Variants in CPLANE1 observed in about 807,000 individuals in gnomAD.
The protein encoded by CPLANE1 is ciliogenesis and planar polarity effector 1.
Under a neutral mutation model 362.5 loss-of-function variants are expected in CPLANE1, and 263 were observed. The ratio of observed to expected loss-of-function variants is 0.73; its 90% CI spans 0.66 to 0.80. The LOEUF (loss-of-function observed/expected upper bound fraction) is 0.80, where lower values mean the gene tolerates loss of function less well. CPLANE1 is among the 30% of genes least tolerant of loss of function. CPLANE1 has a pLI of 0.00. For synonymous variants in CPLANE1, 1,212 were observed against 1,302.6 expected (o/e 0.93, Z 1.50); for missense variants, 3,461 against 3,793.4 (o/e 0.91, Z 2.30).
chr5:37,142,744 CA>C (rs901532446), intron 43 of CPLANE1: 79 of 224,368 alleles, frequency 3.5e-4, no homozygotes, highest in East Asian at 7.9e-4. Flanking sequence ...TGCTAAATTA[CA>C]AAAAAAAATT....
intron 14 of CPLANE1, among the ~76,000 whole-genome samples, chr5:37,222,094 A>G (rs1228412222): frequency 6.6e-6 from 1 of 152,064 alleles, no homozygotes; most frequent in Non-Finnish European, 1.5e-5. Flanking sequence ...ACGTATCTGA[A>G]GAATGAAACT....
At position 37,226,680 on chromosome 5, in the gene CPLANE1, G is replaced by T. The variant is rs1580893908; in HGVS notation, c.1915C>A (p.Leu639Ile). 1.3e-6 allele frequency: 2 copies of T among 1,550,974 alleles called. No homozygotes were observed. The highest frequency in any genetic ancestry group is 1.7e-6 in the Non-Finnish European group (2 of 1,146,730). The change falls in exon 12 of 53, where the codon CTT becomes ATT. Residue 639 changes from leucine to isoleucine, a missense_variant. Physicochemically the swap from Leu to Ile is conservative, Grantham distance 5. Around this residue, in one of 2 missense-constraint regions of CPLANE1, gnomAD observed 3,380 missense variants for 3,666.1 expected, o/e 0.92. Transcript: ENST00000651892. ...TGGATTGATAAACACTGATGAAAAAGTTGAAAGATACAAAGTATCCATGCA... is the reference window on the plus strand; with the variant it reads ...TGGATTGATAAACACTGATGAAAAATTTGAAAGATACAAAGTATCCATGCA... ...HNAWILCIFQ[L>I]FHQCLSIHYW...
chr5:37,186,922 G>T (rs530680058), intron 23 of CPLANE1, among the ~76,000 whole-genome samples: 3 of 151,964 alleles, frequency 2.0e-5, no homozygotes, highest in African/African-American at 7.3e-5. Flanking sequence ...TTAGCCGGGC[G>T]TGTTGGCGGG....
At chr5:37,224,879 G>T in intron 12 of CPLANE1, 139 bp from the exon 13 acceptor site, 1 of 450,796 alleles carries the variant, frequency 2.2e-6, no homozygotes. Flanking sequence ...TTTAAATATA[G>T]TGCAAAATAA....
chr5:37,178,579 C>T (rs1390078721), intron 29 of CPLANE1, among the ~76,000 whole-genome samples: 1 of 150,154 alleles, frequency 6.7e-6, no homozygotes, highest in African/African-American at 2.4e-5. Context: ...TGCCACTGCA[C>T]TCCAGCTTGG....
chr5:37,183,787 A>T (rs1783270202), intron 25 of CPLANE1, 88 bp from the exon 26 acceptor site: 1 of 897,178 alleles, frequency 1.1e-6, no homozygotes. Flanking sequence ...ATTCTCTCCA[A>T]TGATTAAGTC....
intron 44 of CPLANE1, chr5:37,141,759 A>G: frequency 1.0e-6 from 1 of 980,370 alleles, no homozygotes; most frequent in Non-Finnish European, 1.2e-6. Context: ...AAGTATATTC[A>G]TTAGGACTAA....
At chr5:37,151,201 C>T (rs571140527) in intron 42 of CPLANE1, among the ~76,000 whole-genome samples, 1 of 152,294 alleles carries the variant, frequency 6.6e-6, no homozygotes, top group African/African-American at 2.4e-5. Flanking sequence ...TACAGCTCCC[C>T]AAACACTCTA....
chr5:37,114,558 A>G (rs1255506127), intron 51 of CPLANE1, among the ~76,000 whole-genome samples: 1 of 152,182 alleles, frequency 6.6e-6, no homozygotes, highest in Non-Finnish European at 1.5e-5. Flanking sequence ...CACACCCTTC[A>G]TTCTGAAGTC....
intron 46 of CPLANE1, among the ~76,000 whole-genome samples, chr5:37,134,226 C>G (rs1766863141): frequency 6.6e-6 from 1 of 152,086 alleles, no homozygotes; most frequent in Non-Finnish European, 1.5e-5. Flanking sequence ...ACCAGTTCTT[C>G]TTTTATGTCT....
Position 37,227,804 on chromosome 5 carries a change from T to G in CPLANE1, c.1135A>C (p.Thr379Pro). ...PLITYRPQQF[T>P]FQDSNNSVDS... ...ACAGAATTATTTGAATCTTGAAACG[T>G]AAACTGCTGTGGTCTAGTAAACAAA... The change falls in exon 10 of 53, where the codon ACG (threonine) becomes CCG (proline). Residue 379 changes from threonine to proline, a missense_variant. Physicochemically the swap from Thr to Pro is conservative, Grantham distance 38. Transcript: ENST00000651892. 1 of 1,550,708 alleles carries G rather than the reference T, an allele frequency of 6.4e-7. No individual in the cohort carries two copies. Among genetic ancestry groups the G allele is most frequent in the Non-Finnish European group, 8.7e-7 (1 of 1,146,576 alleles).
chr5:37,211,656 A>G (rs531873607), intron 16 of CPLANE1: 34 of 802,758 alleles, frequency 4.2e-5, no homozygotes, highest in Non-Finnish European at 7.0e-5. Context: ...TGCTTCCCCC[A>G]GTCCTTATCC....
At chr5:37,221,205 C>T in intron 15 of CPLANE1, 119 bp downstream of exon 15, 3 of 583,538 alleles carry the variant, frequency 5.1e-6, no homozygotes, top group Non-Finnish European at 8.9e-6. Context: ...GTAGTCCTAG[C>T]CACTTGAGGC....
chr5:37,237,933 C>T (rs1356526445), intron 8 of CPLANE1, among the ~76,000 whole-genome samples: 1 of 152,094 alleles, frequency 6.6e-6, no homozygotes, highest in Non-Finnish European at 1.5e-5. Flanking sequence ...AATCCCAGCA[C>T]TTTAGGAGGC....
In CPLANE1 at chr5:37,106,562, C is replaced by T. The variant is rs1757672612; in HGVS notation, c.*1040G>A. 1 of 433,410 alleles carries T rather than the reference C, an allele frequency of 2.3e-6. No homozygotes were observed. The allele number at this position is 433,410 out of a possible 1,614,324, so 26.8% of individuals were successfully genotyped here. ...GACAAAACAATTAAATGACAATTAA[C>T]AATAATGTTAGCCTATAAAGCTATT... On this transcript the variant is annotated 3_prime_UTR_variant, in exon 53 of 53. Transcript: ENST00000651892.
At chr5:37,084,427 T>C in the CPLANE1 span, among the ~76,000 whole-genome samples, 1 of 152,234 alleles carries the variant, frequency 6.6e-6, no homozygotes, top group Middle Eastern at 3.4e-3. Context: ...ATGAATGGAA[T>C]GGTATCTCAC....
intron 46 of CPLANE1, among the ~76,000 whole-genome samples, chr5:37,133,527 T>C (rs578204098): frequency 7.9e-5 from 12 of 152,206 alleles, no homozygotes; most frequent in African/African-American, 1.4e-4. Flanking sequence ...TGTGTATGTG[T>C]GTGTGTCTGT....
At chr5:37,232,855 A>G (rs1395782401) in intron 8 of CPLANE1, among the ~76,000 whole-genome samples, 1 of 149,008 alleles carries the variant, frequency 6.7e-6, no homozygotes, top group Non-Finnish European at 1.5e-5. Flanking sequence ...AAAAAAAAAA[A>G]AAAAAAAGAA....
intron 43 of CPLANE1, among the ~76,000 whole-genome samples, chr5:37,145,907 C>T (rs563598049): frequency 6.6e-6 from 1 of 152,062 alleles, no homozygotes; most frequent in Non-Finnish European, 1.5e-5. Context: ...ATGCTGGACA[C>T]AAATACAACA....
Sources: allele counts gnomAD v4.1 joint callset (sites outside exome capture counted in the v4.1 genomes callset), GRCh38; gene constraint gnomAD v4.1.1; regional missense constraint gnomAD v4.1.1; transcripts MANE v1.5; gene names NCBI Gene and HGNC (gene_info 2026-07-23, HGNC 2026-07-21).